The following RGS7 variants were observed in gnomAD, a reference collection of about 807,000 sequenced individuals.
RGS7 encodes regulator of G-protein signaling 7.
RGS7 carries 27 observed loss-of-function variants against 81.1 expected under a neutral mutation model. The ratio of observed to expected loss-of-function variants is 0.33; its 90% CI spans 0.25 to 0.46. RGS7 has a LOEUF of 0.46. Ranked by LOEUF, RGS7 falls within the 20% of genes least tolerant of loss-of-function variation. The probability of loss-of-function intolerance (pLI) is 1.00; values close to 1 mark genes in which losing one functional copy is unlikely to be tolerated. For synonymous variants in RGS7, 208 were observed against 207.7 expected, an observed-to-expected ratio of 1.00 and a Z score of -0.01; for missense variants, 396 against 607.4, an observed-to-expected ratio of 0.65 and a Z score of 3.66.
At chr1:241,305,093 T>C (rs2080008855) in intron 2 of RGS7, among the ~76,000 whole-genome samples, 1 of 152,248 alleles carries the variant, frequency 6.6e-6, no homozygotes, top group African/African-American at 2.4e-5. Flanking sequence ...TTTGAAGACA[T>C]CTCATATTTT....
intron 18 of RGS7, among the ~76,000 whole-genome samples, chr1:240,792,420 C>G (rs749968074): frequency 1.8e-4 from 27 of 151,408 alleles, no homozygotes; most frequent in Non-Finnish European, 3.1e-4. Flanking sequence ...TGATGATGGC[C>G]CACGTGTAGA....
intron 3 of RGS7, among the ~76,000 whole-genome samples, chr1:240,985,780 G>A (rs568605702): frequency 6.6e-6 from 1 of 152,060 alleles, no homozygotes; most frequent in Admixed American, 6.6e-5. Flanking sequence ...GATAGGTAGA[G>A]AGAGAAAGAG....
At chr1:241,241,015 A>G (rs889281129) in intron 2 of RGS7, among the ~76,000 whole-genome samples, 3 of 152,034 alleles carry the variant, frequency 2.0e-5, no homozygotes, top group Admixed American at 6.5e-5. Flanking sequence ...GGCCAGAGCT[A>G]ATTAAGAAGA....
At chr1:241,256,568 T>C (rs954849456) in intron 2 of RGS7, among the ~76,000 whole-genome samples, 5 of 152,100 alleles carry the variant, frequency 3.3e-5, no homozygotes, top group African/African-American at 1.2e-4. Flanking sequence ...ACAACAGAAA[T>C]TTATGTCTCA....
intron 18 of RGS7, among the ~76,000 whole-genome samples, chr1:240,782,519 C>T (rs1247007166): frequency 6.6e-6 from 1 of 152,114 alleles, no homozygotes; most frequent in Admixed American, 6.5e-5. Flanking sequence ...ACCTCCCAGG[C>T]TCAAGCGATC....
At position 240,959,547 on chromosome 1, in the gene RGS7, G is replaced by A. The variant is rs1681006008; in HGVS notation, c.227-22841C>T. 2.0e-5 allele frequency among the ~76,000 whole-genome samples: 3 copies of A among 152,284 alleles called. No homozygotes were observed. The South Asian group carries it at 6.2e-4, about 32-fold the overall frequency. ...TAGCTACAGTATCACTAGGCACTAG[G>A]AAACTTTCAGCTCCATTATAATCTC... On this transcript the variant is annotated intron_variant, in intron 4 of 18. Transcript: ENST00000440928.
chr1:241,052,796 CT>C (rs540118274), intron 3 of RGS7, among the ~76,000 whole-genome samples: 144 of 142,598 alleles, frequency 1.0e-3, no homozygotes, highest in Middle Eastern at 7.4e-3. Context: ...AGCGTGGATG[CT>C]TTTTTTTTTT....
At chr1:240,823,368 C>A in intron 10 of RGS7, 2 of 471,276 alleles carry the variant, frequency 4.2e-6, no homozygotes, top group Non-Finnish European at 8.0e-6. Flanking sequence ...AGATGCCCAG[C>A]GGCCTGGAGC....
intron 2 of RGS7, among the ~76,000 whole-genome samples, chr1:241,337,901 T>C (rs2082334881): frequency 6.6e-6 from 1 of 152,248 alleles, no homozygotes; most frequent in Admixed American, 6.5e-5. Flanking sequence ...ATAATTGTGC[T>C]AGTATTTTCC....
At chr1:241,334,088 C>G (rs1446023986) in intron 2 of RGS7, among the ~76,000 whole-genome samples, 1 of 151,504 alleles carries the variant, frequency 6.6e-6, no homozygotes, top group Non-Finnish European at 1.5e-5. Context: ...TATGTATACT[C>G]TTGAAAGTAT....
intron 2 of RGS7, among the ~76,000 whole-genome samples, chr1:241,232,416 A>T (rs1484287985): frequency 6.6e-5 from 10 of 152,016 alleles, no homozygotes; most frequent in Admixed American, 6.6e-4. Flanking sequence ...TTTATTGCCC[A>T]GGCTGGTCTC....
intron 3 of RGS7, among the ~76,000 whole-genome samples, chr1:241,063,196 T>A (rs1265352051): frequency 6.6e-6 from 1 of 152,190 alleles, no homozygotes; most frequent in Non-Finnish European, 1.5e-5. Context: ...ACTTTTATAA[T>A]GACAGTAGTT....
intron 3 of RGS7, among the ~76,000 whole-genome samples, chr1:241,035,290 A>G (rs1035642096): frequency 7.2e-5 from 11 of 152,174 alleles, no homozygotes; most frequent in African/African-American, 2.7e-4. Flanking sequence ...TCTAGGCCAG[A>G]TAGTTTGTTA....
At chr1:241,343,079 G>A (rs986537614) in intron 2 of RGS7, among the ~76,000 whole-genome samples, 10 of 151,968 alleles carry the variant, frequency 6.6e-5, no homozygotes, top group Middle Eastern at 3.2e-3. Flanking sequence ...TGGCTAACAC[G>A]GTGAAACCCC....
At chr1:241,071,696 A>G (rs535893622) in intron 3 of RGS7, among the ~76,000 whole-genome samples, 8 of 151,610 alleles carry the variant, frequency 5.3e-5, no homozygotes, top group African/African-American at 1.9e-4. Flanking sequence ...GTATAATTTT[A>G]CTATCTCTAC....
intron 3 of RGS7, among the ~76,000 whole-genome samples, chr1:240,992,384 G>A (rs1291366173): frequency 6.6e-6 from 1 of 152,064 alleles, no homozygotes; most frequent in Non-Finnish European, 1.5e-5. Context: ...TGCGCCTGTA[G>A]TCCCAGCTAC....
At position 240,940,614 on chromosome 1, in the gene RGS7, T is replaced by C. The variant is rs78611889; in HGVS notation, c.227-3908A>G. 3.3e-3 allele frequency among the ~76,000 whole-genome samples: 500 copies of C among 152,208 alleles called. 3 individuals are homozygous for C. Among genetic ancestry groups the C allele is most frequent in the African/African-American group, 0.012 (479 of 41,530 alleles). On this transcript the variant is annotated intron_variant, in intron 4 of 18. Transcript: ENST00000440928. ...GGCACATAAGGAAATCTGCGGAGTA[T>C]AGATACAAGAAGGGAAAACTGAGAT... is the stretch of plus-strand genomic sequence containing the variant.
intron 2 of RGS7, among the ~76,000 whole-genome samples, chr1:241,193,530 A>G (rs1482397393): frequency 6.6e-6 from 1 of 152,214 alleles, no homozygotes; most frequent in African/African-American, 2.4e-5. Context: ...TTATAACACC[A>G]CATTTGGATA....
chr1:240,934,698 A>AAT lies in RGS7; in HGVS notation c.333+1901_333+1902insAT, dbSNP rs536538454. On this transcript the variant is annotated intron_variant, in intron 5 of 18. Coordinates refer to ENST00000440928, the MANE Select transcript of RGS7 (RefSeq NM_001364886.1). ...AATTTTAATGTGTATATGTATAGAT[A>AAT]GTTTATTTTATATCTGCCTATCTAT... Among the ~76,000 whole-genome samples the AAT allele has an allele frequency of 2.3e-4, 35 of 152,232 alleles. 1 individual carries two copies. Among genetic ancestry groups the AAT allele is most frequent in the East Asian group, 1.9e-3 (10 of 5,182 alleles).
Sources: gnomAD v4.1 joint callset for allele counts (sites outside exome capture counted in the v4.1 genomes callset) on GRCh38, gnomAD v4.1.1 for gene constraint, MANE v1.5 for transcripts, NCBI Gene and HGNC (gene_info 2026-07-23, HGNC 2026-07-21) for gene names.